GRIN2B: variants seen among roughly 807,000 people sequenced by gnomAD.
GRIN2B encodes the protein glutamate receptor ionotropic, NMDA 2B.
Under a neutral mutation model 114.5 loss-of-function variants are expected in GRIN2B, and 5 were observed. The ratio of observed to expected loss-of-function variants is 0.04; its 90% CI spans 0.02 to 0.09. The LOEUF (loss-of-function observed/expected upper bound fraction) is 0.09, where lower values mean the gene tolerates loss of function less well. Ranked by LOEUF, GRIN2B falls within the 10% of genes least tolerant of loss-of-function variation. The pLI, the probability that GRIN2B is intolerant of heterozygous loss-of-function variation, is 1.00. For missense variants in GRIN2B, 1,108 were observed against 1,943.5 expected, an observed-to-expected ratio of 0.57 and a Z score of 8.08; for synonymous variants, 787 against 745.1, an observed-to-expected ratio of 1.06 and a Z score of -0.92.
At chr12:13,825,451 G>A (rs1356613075) in intron 3 of GRIN2B, among the ~76,000 whole-genome samples, 1 of 144,552 alleles carries the variant, frequency 6.9e-6, no homozygotes, top group Non-Finnish European at 1.5e-5. Flanking sequence ...CAAGCTGGTA[G>A]ATTTTATATA....
chr12:13,888,659 G>A (rs1178850920), intron 2 of GRIN2B, among the ~76,000 whole-genome samples: 8 of 151,716 alleles, frequency 5.3e-5, no homozygotes, highest in African/African-American at 9.7e-5. Context: ...ACTTGAACTC[G>A]GGAGGTGGAG....
rs3026160 is a variant in GRIN2B at position 13,567,109 on chromosome 12, G to A, written c.2514C>T (p.Cys838=). ...GGAACTGCCAATAGAAAAGGTGTTC[G>A]CAGATGAAGGTGATGAGGCTGAGAG... ...AMALSLITFI[C]EHLFYWQFRH... Residue 838 remains cysteine (C), a synonymous_variant, in exon 13 of 14, where the codon TGC becomes TGT. Coordinates refer to ENST00000609686, the MANE Select transcript of GRIN2B (RefSeq NM_000834.5). 0.12 allele frequency: 187,171 copies of A among 1,613,670 alleles called. 12,498 individuals carry two copies. Among genetic ancestry groups the A allele is most frequent in the Non-Finnish European group, 0.14 (161,790 of 1,179,532 alleles).
chr12:13,956,445 GC>G (rs1354458103), intron 2 of GRIN2B, among the ~76,000 whole-genome samples: 1 of 152,130 alleles, frequency 6.6e-6, no homozygotes, highest in Non-Finnish European at 1.5e-5. Flanking sequence ...AGAAAATTTT[GC>G]AAAAATCTCT....
At chr12:13,803,665 G>A (rs1057492780) in intron 3 of GRIN2B, among the ~76,000 whole-genome samples, 1 of 152,182 alleles carries the variant, frequency 6.6e-6, no homozygotes, top group African/African-American at 2.4e-5. Flanking sequence ...TTAGGGGACT[G>A]TGAATAGGCA....
intron 2 of GRIN2B, among the ~76,000 whole-genome samples, chr12:13,954,181 C>G (rs1867545428): frequency 6.6e-6 from 1 of 152,124 alleles, no homozygotes; most frequent in South Asian, 2.1e-4. Flanking sequence ...ATATAATCTG[C>G]CTACTAGGTC....
intron 8 of GRIN2B, among the ~76,000 whole-genome samples, chr12:13,614,403 C>A (rs1031021928): frequency 2.0e-5 from 3 of 152,100 alleles, no homozygotes; most frequent in African/African-American, 4.8e-5. Flanking sequence ...TTCAAGGTGA[C>A]GTTTTATTTT....
chr12:13,610,325 T>C (rs1241649374), intron 9 of GRIN2B, among the ~76,000 whole-genome samples: 2 of 152,264 alleles, frequency 1.3e-5, no homozygotes, highest in African/African-American at 4.8e-5. Flanking sequence ...TGAGTAATTG[T>C]AAGCCCTCGC....
At chr12:13,929,598 G>A (rs1195260533) in intron 2 of GRIN2B, among the ~76,000 whole-genome samples, 1 of 152,162 alleles carries the variant, frequency 6.6e-6, no homozygotes, top group Non-Finnish European at 1.5e-5. Context: ...ACAAAGCCCT[G>A]AGTGTCTAAT....
intron 3 of GRIN2B, among the ~76,000 whole-genome samples, chr12:13,779,593 A>T (rs1864069686): frequency 6.6e-6 from 1 of 152,206 alleles, no homozygotes; most frequent in Admixed American, 6.5e-5. Flanking sequence ...TCAATACAAA[A>T]ATTATTAATG....
chr12:13,730,494 T>C (rs907953918), intron 4 of GRIN2B, among the ~76,000 whole-genome samples: 2 of 152,146 alleles, frequency 1.3e-5, no homozygotes, highest in Admixed American at 6.5e-5. Flanking sequence ...TCCGTTTTTA[T>C]AGATGAAGAA....
rs1273453632 is a variant in GRIN2B, at chr12:13,545,932, A to G, written c.*16851T>C. ...CAGTAAATTCCATGTTAATATGTGT[A>G]AGACTCAGGATTAAATCAATCTGTA... is the stretch of plus-strand genomic sequence containing the variant. On this transcript the variant is annotated 3_prime_UTR_variant, in exon 14 of 14. Transcript: ENST00000609686. 6.6e-6 allele frequency: 1 copy of G among 152,214 alleles called. No homozygotes were observed. Among genetic ancestry groups the G allele is most frequent in the Admixed American group, 6.5e-5 (1 of 15,280 alleles). The allele number at this position is 152,214 out of a possible 1,614,324, so 9.4% of individuals were successfully genotyped here. A position where few individuals can be genotyped will look rare whatever the true frequency, so the allele number is the denominator to read the frequency against.
rs550339575 is a variant in GRIN2B, at chr12:13,892,275, A to G, written c.-18-26049T>C. ...AGGGCCATAATGACAGAAGGGAAGA[A>G]AAAAACCAGAAGTCCCATCTCCCAA... On this transcript the variant is annotated intron_variant, in intron 2 of 13. Coordinates refer to ENST00000609686, the MANE Select transcript of GRIN2B (RefSeq NM_000834.5). 7.4e-4 allele frequency among the ~76,000 whole-genome samples: 113 copies of G among 152,352 alleles called. 1 individual carries two copies. Among genetic ancestry groups the G allele is most frequent in the Non-Finnish European group, 2.9e-5 (2 of 68,034 alleles).
rs1238251546 is a variant in GRIN2B at position 13,556,107 on chromosome 12, T to C, written c.*6676A>G. The C allele has an allele frequency of 6.6e-6, 1 of 152,112 alleles. No homozygotes were observed. The highest frequency in any genetic ancestry group is 1.9e-4 in the East Asian group (1 of 5,188). 9.4% of individuals were successfully genotyped at this position (152,112 alleles called of 1,614,324 possible). ...CAGAGGGGTCTTGAAGGAAGGAAGATATAGAAAAGGCAAGGTTGTGGTTAG... is the reference window on the plus strand; with the variant it reads ...CAGAGGGGTCTTGAAGGAAGGAAGACATAGAAAAGGCAAGGTTGTGGTTAG... On this transcript the variant is annotated 3_prime_UTR_variant, in exon 14 of 14. Coordinates refer to ENST00000609686, the MANE Select transcript of GRIN2B (RefSeq NM_000834.5).
intron 4 of GRIN2B, among the ~76,000 whole-genome samples, chr12:13,696,810 C>T (rs184409470): frequency 6.6e-6 from 1 of 152,262 alleles, no homozygotes; most frequent in East Asian, 1.9e-4. Flanking sequence ...ACAGGGAGGG[C>T]ATACCTAACC....
chr12:13,966,777 G>A (rs1470023352), intron 2 of GRIN2B, among the ~76,000 whole-genome samples: 1 of 152,174 alleles, frequency 6.6e-6, no homozygotes, highest in African/African-American at 2.4e-5. Flanking sequence ...AAGTATTGTT[G>A]AAAGTGAAAT....
intron 4 of GRIN2B, among the ~76,000 whole-genome samples, chr12:13,739,900 G>T (rs906587920): frequency 3.3e-5 from 5 of 152,184 alleles, no homozygotes; most frequent in African/African-American, 9.7e-5. Flanking sequence ...CAACACCATG[G>T]TTCCTATTTT....
At chr12:13,890,857 C>T (rs1866248391) in intron 2 of GRIN2B, among the ~76,000 whole-genome samples, 2 of 152,146 alleles carry the variant, frequency 1.3e-5, no homozygotes, top group South Asian at 4.1e-4. Flanking sequence ...ACTTTCCACC[C>T]TGGGAGACAG....
In GRIN2B at chr12:13,781,831, C is replaced by T. The variant is rs186838978; in HGVS notation, c.412-27916G>A. Among the ~76,000 whole-genome samples the T allele has an allele frequency of 1.6e-3, 246 of 152,250 alleles. 1 individual carries two copies. The highest frequency in any genetic ancestry group is 2.6e-3 in the Non-Finnish European group (174 of 68,024). Reference sequence around the variant, plus strand: ...AGAAATGTTCGAAGAAAAGGAGTCACGGGGTCAGCTGTCAGGGATTCCTTC... The same window carrying T: ...AGAAATGTTCGAAGAAAAGGAGTCATGGGGTCAGCTGTCAGGGATTCCTTC... On this transcript the variant is annotated intron_variant, in intron 3 of 13. Transcript: ENST00000609686.
chr12:13,794,515 G>A (rs923095781), intron 3 of GRIN2B, among the ~76,000 whole-genome samples: 8 of 151,902 alleles, frequency 5.3e-5, no homozygotes, highest in Admixed American at 2.6e-4. Flanking sequence ...CCTCCCCCCC[G>A]GACCCGAAAT....
Sources: gnomAD v4.1 joint callset for allele counts (sites outside exome capture counted in the v4.1 genomes callset) on GRCh38, gnomAD v4.1.1 for gene constraint, MANE v1.5 for transcripts, NCBI Gene and HGNC (gene_info 2026-07-23, HGNC 2026-07-21) for gene names.